The following TMC5 variants were observed in gnomAD, a reference collection of about 807,000 sequenced individuals.
TMC5 encodes transmembrane channel like 5.
Under a neutral mutation model 110.5 loss-of-function variants are expected in TMC5, and 86 were observed. The observed-to-expected ratio is 0.78, with a 90% CI of 0.65 to 0.93. The LOEUF is 0.93. Among genes scored for constraint, TMC5 ranks in the 40% least tolerant of loss-of-function variants. TMC5 has a pLI of 0.00. For synonymous variants in TMC5, 455 were observed against 439.5 expected (o/e 1.04, Z -0.44); for missense variants, 1,144 against 1,222.8 (o/e 0.94, Z 0.96).
At chr16:19,496,444 C>T (rs1405899428) in intron 20 of TMC5, among the ~76,000 whole-genome samples, 1 of 152,032 alleles carries the variant, frequency 6.6e-6, no homozygotes, top group Non-Finnish European at 1.5e-5. Flanking sequence ...AGTAATTTAC[C>T]ATCTGTGCAA....
At chr16:19,444,008 GA>G in intron 3 of TMC5, 72 bp from the exon 4 acceptor site, 6 of 1,264,470 alleles carry the variant, frequency 4.7e-6, no homozygotes, top group Non-Finnish European at 6.7e-6. Context: ...TGGATGGATG[GA>G]TGGATGGATG....
At chr16:19,412,173 C>T (rs965757183) in intron 1 of TMC5, among the ~76,000 whole-genome samples, 7 of 149,754 alleles carry the variant, frequency 4.7e-5, no homozygotes, top group African/African-American at 7.4e-5. Context: ...CAGGCTCAGG[C>T]GATCCTCCTG....
At chr16:19,447,394 G>A (rs796411175) in intron 4 of TMC5, among the ~76,000 whole-genome samples, 45 of 152,198 alleles carry the variant, frequency 3.0e-4, no homozygotes, top group African/African-American at 1.0e-3. Context: ...CAAGTCACAC[G>A]ACTAAGCCCA....
At position 19,490,598 on chromosome 16, in the gene TMC5, G is replaced by A. The variant is rs770868592; in HGVS notation, c.2747+30G>A. Reference sequence around the variant, plus strand: ...GTGTGGTACCCGGGGAATCTAGCAGGGAAAGCCAGGAGCTCTCGAGGGAAA... The same window carrying A: ...GTGTGGTACCCGGGGAATCTAGCAGAGAAAGCCAGGAGCTCTCGAGGGAAA... On this transcript the variant is annotated intron_variant, in intron 18 of 21. Coordinates refer to ENST00000542583, the MANE Select transcript of TMC5 (RefSeq NM_001261841.2). The A allele has an allele frequency of 6.8e-6, 11 of 1,612,580 alleles. No homozygotes were observed. In the East Asian group the frequency reaches 2.0e-4, roughly 29 times the overall value.
Position 19,432,239 on chromosome 16 carries a change from C to T in TMC5, c.-80+1599C>T, listed in dbSNP as rs1309065063. Among the ~76,000 whole-genome samples the T allele has an allele frequency of 3.3e-5, 5 of 152,152 alleles. 1 individual carries two copies. The highest frequency in any genetic ancestry group is 2.0e-4 in the Admixed American group (3 of 15,280). ...GACCCATTCGAACCAGGAAGCCTTG[C>T]AACATCAAGTAAGGAGTCCTCAATT... On this transcript the variant is annotated intron_variant, in intron 2 of 21. Transcript: ENST00000542583.
At chr16:19,475,596 C>T (rs889772218) in intron 12 of TMC5, among the ~76,000 whole-genome samples, 8 of 152,212 alleles carry the variant, frequency 5.3e-5, no homozygotes, top group East Asian at 1.9e-4. Context: ...ACCTCCTAAG[C>T]GTTCACAAAT....
At chr16:19,476,792 T>G (rs1457214793) in intron 12 of TMC5, 1 of 152,906 alleles carries the variant, frequency 6.5e-6, no homozygotes, top group East Asian at 1.9e-4. Context: ...TCGTGTTATA[T>G]ACACAGTGTG....
At chr16:19,434,217 A>AT (rs1967270490) in intron 2 of TMC5, among the ~76,000 whole-genome samples, 1 of 117,828 alleles carries the variant, frequency 8.5e-6, no homozygotes, top group African/African-American at 3.8e-5. Context: ...TCTATAGTAT[A>AT]TATATCTATA....
chr16:19,446,537 T>C (rs928308376), intron 4 of TMC5, among the ~76,000 whole-genome samples: 1 of 152,246 alleles, frequency 6.6e-6, no homozygotes, highest in African/African-American at 2.4e-5. Flanking sequence ...TATTATCTCA[T>C]TTAATCTGTA....
At chr16:19,442,268 CA>C (rs1247409173) in intron 3 of TMC5, among the ~76,000 whole-genome samples, 1 of 151,748 alleles carries the variant, frequency 6.6e-6, no homozygotes, top group African/African-American at 2.4e-5. Flanking sequence ...TTAGTTCTAC[CA>C]AATCTAATTT....
In TMC5 at chr16:19,444,117, T is replaced by G. The variant is rs1967557661; in HGVS notation, c.825T>G (p.Phe275Leu). ...LSRTSSIQPS[F>L]RHRSDDPVGS... is the part of the protein sequence containing the mutation. ...GAACATCTTCAATCCAGCCCTCATT[T>G]CGTCACAGGAGTGATGACCCCGTGG... The change falls in exon 4 of 22, where the codon TTT becomes TTG. Residue 275 changes from phenylalanine to leucine, a missense_variant. By Grantham distance (22) the Phe-to-Leu change is conservative (BLOSUM62 0). Transcript: ENST00000542583. 24 of 1,614,166 alleles carry G rather than the reference T, an allele frequency of 1.5e-5. No individual in the cohort carries two copies. Among genetic ancestry groups the G allele is most frequent in the Non-Finnish European group, 2.0e-5 (24 of 1,180,022 alleles).
intron 1 of TMC5, among the ~76,000 whole-genome samples, chr16:19,412,374 CTT>C (rs972592290): frequency 7.8e-6 from 1 of 128,410 alleles, no homozygotes; most frequent in Non-Finnish European, 1.7e-5. Flanking sequence ...GCCCGACTTT[CTT>C]TTTTTTTTTG....
At chr16:19,490,806 CCT>C (rs150382255) in intron 18 of TMC5, among the ~76,000 whole-genome samples, 12 of 143,490 alleles carry the variant, frequency 8.4e-5, no homozygotes, top group Admixed American at 2.8e-4. Context: ...CCCCTCCCTC[CCT>C]CTCTTTCTCC....
At chr16:19,459,800 C>A (rs1014485439) in intron 5 of TMC5, among the ~76,000 whole-genome samples, 1 of 150,254 alleles carries the variant, frequency 6.7e-6, no homozygotes, top group Admixed American at 6.7e-5. Context: ...TTGTGGTAAT[C>A]ACAACACTTT....
intron 15 of TMC5, among the ~76,000 whole-genome samples, chr16:19,486,683 A>G (rs1968750422): frequency 6.6e-6 from 1 of 151,744 alleles, no homozygotes. Context: ...TGGCCTCCTA[A>G]TCTCTTCTTT....
Position 19,494,371 on chromosome 16 carries a change from G to A in TMC5, c.2931+5G>A, listed in dbSNP as rs769498103. Reference sequence around the variant, plus strand: ...CTGGAAAGGAGAGAGGTGGAGGTGAGTCTGGAGGCTGCCTTGGGGACCCCT... The same window carrying A: ...CTGGAAAGGAGAGAGGTGGAGGTGAATCTGGAGGCTGCCTTGGGGACCCCT... On this transcript the variant is annotated splice_donor_5th_base_variant and intron_variant, in intron 20 of 21. Coordinates refer to ENST00000542583, the MANE Select transcript of TMC5 (RefSeq NM_001261841.2). 6 of 1,610,712 alleles carry A rather than the reference G, an allele frequency of 3.7e-6. No homozygotes were observed. The highest frequency in any genetic ancestry group is 3.4e-5 in the Admixed American group (2 of 59,534).
rs185257277 is a variant in TMC5 at position 19,473,472 on chromosome 16, T to C, written c.1939-653T>C. Among the ~76,000 whole-genome samples, 4 of 149,566 alleles carry C rather than the reference T, an allele frequency of 2.7e-5. No individual in the cohort carries two copies. The East Asian group carries it at 6.0e-4, about 22-fold the overall frequency. ...TGGTGAAAATGAACAAGGCCACTTA[T>C]GCTAAACAGGAGGGAGCACATCCTC... is the stretch of plus-strand genomic sequence containing the variant. On this transcript the variant is annotated intron_variant, in intron 11 of 21. Coordinates refer to ENST00000542583, the MANE Select transcript of TMC5 (RefSeq NM_001261841.2).
chr16:19,494,541 G>A (rs1266878686), intron 20 of TMC5, among the ~76,000 whole-genome samples, 175 bp downstream of exon 20: 1 of 152,186 alleles, frequency 6.6e-6, no homozygotes, highest in East Asian at 1.9e-4. Flanking sequence ...AGGTGCAGTG[G>A]CTCACGCCTG....
chr16:19,414,365 A>C (rs193176785), upstream of TMC5, among the ~76,000 whole-genome samples: 428 of 152,254 alleles, frequency 2.8e-3, 1 homozygote, highest in Non-Finnish European at 4.3e-3. Context: ...ATTATTTTAA[A>C]AATTTATTTA....
Sources: allele counts gnomAD v4.1 joint callset (sites outside exome capture counted in the v4.1 genomes callset), GRCh38; gene constraint gnomAD v4.1.1; transcripts MANE v1.5; gene names NCBI Gene and HGNC (gene_info 2026-07-23, HGNC 2026-07-21).